WWOX: variants seen among roughly 807,000 people sequenced by gnomAD.
WWOX encodes the protein WW domain containing oxidoreductase, also known as WW domain-containing oxidoreductase.
WWOX carries 69 observed loss-of-function variants against 46.2 expected under a neutral mutation model. The ratio of observed to expected loss-of-function variants is 1.49; its 90% CI spans 1.23 to 1.82. The LOEUF is 1.82. Ranked by LOEUF, WWOX falls within the 40% of genes most tolerant of loss-of-function variation. WWOX has a pLI of 0.00. For missense variants in WWOX, 919 were observed against 542.6 expected (o/e 1.69, Z -6.89); for synonymous variants, 359 against 202.6 (o/e 1.77, Z -6.56).
chr16:78,425,006 T>C lies in WWOX; in HGVS notation c.742T>C (p.Cys248Arg). The change falls in exon 7 of 9, where the codon TGC becomes CGC. Residue 248 changes from cysteine to arginine, a missense_variant. By Grantham distance (180) the Cys-to-Arg change is radical. Coordinates refer to ENST00000566780, the MANE Select transcript of WWOX (RefSeq NM_016373.4). ...YLVQLLQDVL[C>R]RSAPARVIVV... ...TGTCCAGCTCCTCCAGGATGTTTTG[T>C]GCCGCTCAGCTCCTGCCCGTGTCAT... is the stretch of plus-strand genomic sequence containing the variant. The C allele has an allele frequency of 6.2e-7, 1 of 1,614,152 alleles. No individual in the cohort carries two copies. The highest frequency in any genetic ancestry group is 1.1e-5 in the South Asian group (1 of 91,076).
At chr16:79,070,775 G>C (rs2048535476) in intron 8 of WWOX, among the ~76,000 whole-genome samples, 1 of 152,180 alleles carries the variant, frequency 6.6e-6, no homozygotes, top group African/African-American at 2.4e-5. Flanking sequence ...CATTTGATTT[G>C]TTTCTTCAAA....
At chr16:78,808,848 G>A (rs746853800) in intron 8 of WWOX, among the ~76,000 whole-genome samples, 2 of 152,124 alleles carry the variant, frequency 1.3e-5, no homozygotes, top group African/African-American at 4.8e-5. Context: ...CTCTACGGCT[G>A]CCCCTCATTT....
chr16:79,034,730 T>C (rs2047832433), intron 8 of WWOX, among the ~76,000 whole-genome samples: 1 of 152,162 alleles, frequency 6.6e-6, no homozygotes, highest in Non-Finnish European at 1.5e-5. Context: ...ACTTCTCTGA[T>C]CAGAGCATAC....
chr16:78,327,713 A>C (rs1302291548), intron 5 of WWOX, among the ~76,000 whole-genome samples: 1 of 152,090 alleles, frequency 6.6e-6, no homozygotes, highest in Non-Finnish European at 1.5e-5. Flanking sequence ...AATAGCAAGC[A>C]TATAGATAGT....
chr16:78,154,091 C>T (rs915745346), intron 4 of WWOX, among the ~76,000 whole-genome samples: 1 of 152,190 alleles, frequency 6.6e-6, no homozygotes, highest in African/African-American at 2.4e-5. Flanking sequence ...TTTGTGTTCC[C>T]TGTCTGGGTA....
At chr16:78,542,814 C>T (rs1056933558) in intron 8 of WWOX, among the ~76,000 whole-genome samples, 5 of 152,134 alleles carry the variant, frequency 3.3e-5, no homozygotes, top group Non-Finnish European at 7.4e-5. Flanking sequence ...TTCTTTCTTT[C>T]TTAATGCAGG....
chr16:78,616,318 A>G (rs1031452448), intron 8 of WWOX, among the ~76,000 whole-genome samples: 1 of 152,112 alleles, frequency 6.6e-6, no homozygotes, highest in Non-Finnish European at 1.5e-5. Context: ...AAACAACGGA[A>G]ATGTATTTCT....
At chr16:78,885,138 C>G (rs9922438) in intron 8 of WWOX, among the ~76,000 whole-genome samples, 3,281 of 151,706 alleles carry the variant, frequency 0.022, 109 homozygotes, top group African/African-American at 0.075. Flanking sequence ...GGCTAAATGG[C>G]CAGCCCTTCT....
chr16:79,023,773 C>T (rs1378305938), intron 8 of WWOX, among the ~76,000 whole-genome samples: 1 of 135,056 alleles, frequency 7.4e-6, no homozygotes, highest in Non-Finnish European at 1.6e-5. Context: ...ATGGTGATAC[C>T]CCATCTCTAC....
chr16:79,178,290 C>T (rs1194650498), intron 8 of WWOX, among the ~76,000 whole-genome samples: 1 of 152,168 alleles, frequency 6.6e-6, no homozygotes, highest in Admixed American at 6.5e-5. Flanking sequence ...CCATGGGCTG[C>T]AGTTTGCTGA....
At chr16:79,168,498 A>C (rs2050637927) in intron 8 of WWOX, among the ~76,000 whole-genome samples, 1 of 152,180 alleles carries the variant, frequency 6.6e-6, no homozygotes, top group African/African-American at 2.4e-5. Flanking sequence ...AATATCTGGC[A>C]GGCATCCAGT....
intron 8 of WWOX, among the ~76,000 whole-genome samples, chr16:78,812,487 C>T (rs562123076): frequency 2.6e-5 from 4 of 152,062 alleles, no homozygotes; most frequent in Admixed American, 6.5e-5. Flanking sequence ...TTTGGGAGGC[C>T]GAGGTGGACG....
chr16:78,523,793 TG>T (rs1482985620), intron 8 of WWOX, among the ~76,000 whole-genome samples: 1 of 152,192 alleles, frequency 6.6e-6, no homozygotes, highest in Non-Finnish European at 1.5e-5. Context: ...TGGGGGCCTC[TG>T]GAACAGCTGC....
chr16:78,862,053 T>G (rs117836465), intron 8 of WWOX, among the ~76,000 whole-genome samples: 1,701 of 141,108 alleles, frequency 0.012, 44 homozygotes, highest in Admixed American at 0.051. Context: ...ATTATATATA[T>G]AGAGAGAGAT....
At chr16:78,605,489 G>T (rs1233790247) in intron 8 of WWOX, among the ~76,000 whole-genome samples, 4 of 151,598 alleles carry the variant, frequency 2.6e-5, no homozygotes, top group African/African-American at 7.3e-5. Context: ...CTTTCCCTTG[G>T]CCCTTGTCAA....
chr16:78,994,818 C>G (rs904107246), intron 8 of WWOX, among the ~76,000 whole-genome samples: 1 of 151,986 alleles, frequency 6.6e-6, no homozygotes, highest in Non-Finnish European at 1.5e-5. Context: ...GTGTCATGCA[C>G]CATTTGCCGT....
intron 8 of WWOX, among the ~76,000 whole-genome samples, chr16:78,734,840 C>CTTTTT (rs1567524279): frequency 3.2e-5 from 2 of 61,698 alleles, no homozygotes; most frequent in Admixed American, 4.9e-4. Context: ...GGACTTCAGT[C>CTTTTT]CTTTTTTTTT....
At chr16:78,206,188 A>T (rs2036390297) in intron 5 of WWOX, among the ~76,000 whole-genome samples, 2 of 152,146 alleles carry the variant, frequency 1.3e-5, no homozygotes, top group South Asian at 4.1e-4. Flanking sequence ...ATATAGTATG[A>T]TATAATAACA....
rs370655002 is a variant in WWOX, at chr16:78,783,644, A to T, written c.1056+350892A>T. 8.5e-5 allele frequency among the ~76,000 whole-genome samples: 13 copies of T among 152,334 alleles called. No homozygotes were observed. In the South Asian group the frequency reaches 2.1e-3, roughly 24 times the overall value. Reference sequence around the variant, plus strand: ...ACAAAGGATGTGCCTGGCATACCCCATATCTTTTACAAAGACATAAATGTC... The same window carrying T: ...ACAAAGGATGTGCCTGGCATACCCCTTATCTTTTACAAAGACATAAATGTC... On this transcript the variant is annotated intron_variant, in intron 8 of 8. Coordinates refer to ENST00000566780, the MANE Select transcript of WWOX (RefSeq NM_016373.4).
Sources: gnomAD v4.1 joint callset for allele counts (sites outside exome capture counted in the v4.1 genomes callset) on GRCh38, gnomAD v4.1.1 for gene constraint, MANE v1.5 for transcripts, NCBI Gene and HGNC (gene_info 2026-07-23, HGNC 2026-07-21) for gene names.